Variants in CLCN1 observed in about 807,000 individuals in gnomAD.
The protein encoded by CLCN1 is chloride voltage-gated channel 1.
A neutral mutation model predicts 114.5 loss-of-function variants in CLCN1; 100 were observed. The ratio of observed to expected loss-of-function variants is 0.87; its 90% CI spans 0.74 to 1.03. CLCN1 has a LOEUF of 1.03. Among genes scored for constraint, CLCN1 ranks in the 50% least tolerant of loss-of-function variants. The pLI is 0.00. For missense variants in CLCN1, 1,188 were observed against 1,250.0 expected, an observed-to-expected ratio of 0.95 and a Z score of 0.75; for synonymous variants, 485 against 487.1, an observed-to-expected ratio of 1.00 and a Z score of 0.06.
chr7:143,321,292 G>A lies in CLCN1; in HGVS notation c.434-73G>A, dbSNP rs1802424186. 12 of 1,573,048 alleles carry A rather than the reference G, an allele frequency of 7.6e-6. No individual in the cohort carries two copies. In the South Asian group the frequency reaches 1.4e-4, roughly 18 times the overall value. On this transcript the variant is annotated intron_variant, in intron 3 of 22. Coordinates refer to ENST00000343257, the MANE Select transcript of CLCN1 (RefSeq NM_000083.3). The surrounding 1 kb of genome is among the most constrained non-coding windows in gnomAD (Gnocchi z 4.2). ...AGGAGCACGGCCTGAGAACATGCCG[G>A]GTACACGTCCTGGTGCCGTGGACAC...
At position 143,330,154 on chromosome 7, in the gene CLCN1, T is replaced by TTTA. The variant is rs757062444; in HGVS notation, c.854-603_854-601dup. On this transcript the variant is annotated intron_variant, in intron 7 of 22. Coordinates refer to ENST00000343257, the MANE Select transcript of CLCN1 (RefSeq NM_000083.3). Reference sequence around the variant, plus strand: ...TTTTAAGTCGGGTTTTTAGTATTAGTTTATTATTATTATTATTTGTATGAC... The same window carrying TTTA: ...TTTTAAGTCGGGTTTTTAGTATTAGTTTATTATTATTATTATTATTTGTATGAC... 2.6e-4 allele frequency among the ~76,000 whole-genome samples: 39 copies of TTTA among 152,162 alleles called. 1 individual carries two copies. In the East Asian group the frequency reaches 5.8e-3, roughly 23 times the overall value.
In CLCN1 at chr7:143,332,515, G is replaced by C. The variant is rs1438334339; in HGVS notation, c.1251+12G>C. 6.2e-7 allele frequency: 1 copy of C among 1,606,844 alleles called. No homozygotes were observed. Among genetic ancestry groups the C allele is most frequent in the African/African-American group, 1.3e-5 (1 of 74,750 alleles). On this transcript the variant is annotated intron_variant, in intron 11 of 22. Transcript: ENST00000343257. ...TCATGGCTGGAGAGGTCAGCTGTTG[G>C]TGGGGCCACATGGTAAAGAGGAAAC... is the stretch of plus-strand genomic sequence containing the variant.
chr7:143,339,289 C>T lies in CLCN1; in HGVS notation c.1438C>T (p.Pro480Ser), dbSNP rs80356695. 1 of 1,613,206 alleles carries T rather than the reference C, an allele frequency of 6.2e-7. No individual in the cohort carries two copies. Among genetic ancestry groups the T allele is most frequent in the Non-Finnish European group, 8.5e-7 (1 of 1,179,084 alleles). Residue 480 changes from proline (P) to serine (S), a missense_variant, in exon 13 of 23, where the codon CCC (proline) becomes TCC (serine). Coordinates refer to ENST00000343257, the MANE Select transcript of CLCN1 (RefSeq NM_000083.3). The surrounding 1 kb of genome is among the most constrained non-coding windows in gnomAD (Gnocchi z 4.1). The stretch of plus-strand genomic sequence containing the variant: ...CATCGTGGCCACCACTATGCCCATA[C>T]CCTGCGGAGGCTTCATGCCTGTGTT... ...MSIVATTMPI[P>S]CGGFMPVFVL... is the part of the protein sequence containing the mutation.
At chr7:143,325,323 TG>T (rs1441652441) in intron 7 of CLCN1, among the ~76,000 whole-genome samples, 1 of 152,262 alleles carries the variant, frequency 6.6e-6, no homozygotes, top group African/African-American at 2.4e-5. Context: ...TTTTCAGTTA[TG>T]GAAATGTTAA....
chr7:143,320,118 A>G (rs1446859047), intron 2 of CLCN1, among the ~76,000 whole-genome samples: 1 of 152,160 alleles, frequency 6.6e-6, no homozygotes, highest in Non-Finnish European at 1.5e-5. Context: ...CCTCTCCAGT[A>G]GCTGAGACTA....
At chr7:143,325,853 C>T (rs1324042797) in intron 7 of CLCN1, among the ~76,000 whole-genome samples, 1 of 152,106 alleles carries the variant, frequency 6.6e-6, no homozygotes, top group Non-Finnish European at 1.5e-5. Flanking sequence ...AGTTCTGAAA[C>T]CACTGTGGTA....
intron 5 of CLCN1, 103 bp from the exon 6 acceptor site, chr7:143,323,206 C>A (rs1802486392): frequency 2.6e-6 from 2 of 759,008 alleles, no homozygotes; most frequent in Non-Finnish European, 2.4e-6. Context: ...GTATTTCCAG[C>A]CCCTGGCACA....
chr7:143,316,143 A>T lies in CLCN1; in HGVS notation c.-70A>T. 1.6e-6 allele frequency: 2 copies of T among 1,284,150 alleles called. No individual in the cohort carries two copies. The highest frequency in any genetic ancestry group is 2.3e-6 in the Non-Finnish European group (2 of 886,424). 79.5% of individuals were successfully genotyped at this position (1,284,150 alleles called of 1,614,324 possible). On this transcript the variant is annotated 5_prime_UTR_variant, in exon 1 of 23. Coordinates refer to ENST00000343257, the MANE Select transcript of CLCN1 (RefSeq NM_000083.3). ...TTGGGGACAGCAAGAGCAGAGGCTTAAGGAGCTACACTGGGGGAAGGACAG... is the reference window on the plus strand; with the variant it reads ...TTGGGGACAGCAAGAGCAGAGGCTTTAGGAGCTACACTGGGGGAAGGACAG...
chr7:143,332,588 G>A, intron 11 of CLCN1, 85 bp downstream of exon 11: 1 of 1,518,060 alleles, frequency 6.6e-7, no homozygotes, highest in Non-Finnish European at 9.2e-7. Flanking sequence ...TTTGTCCAAG[G>A]ATAGACTTTC....
At chr7:143,316,416 G>A (rs1395938372) in intron 1 of CLCN1, 24 bp downstream of exon 1, 1 of 1,605,182 alleles carries the variant, frequency 6.2e-7, no homozygotes, top group Non-Finnish European at 8.5e-7. Context: ...AGGGGAGAGG[G>A]GAGCCATGGA....
chr7:143,341,820 T>C (rs1792931257), intron 14 of CLCN1, 109 bp from the exon 15 acceptor site: 2 of 847,336 alleles, frequency 2.4e-6, no homozygotes, highest in African/African-American at 1.7e-5. Flanking sequence ...GTATTGGCAC[T>C]GACCAGGGTC....
chr7:143,330,081 T>C (rs1461029817), intron 7 of CLCN1, among the ~76,000 whole-genome samples: 3 of 152,224 alleles, frequency 2.0e-5, no homozygotes, highest in Non-Finnish European at 4.4e-5. Flanking sequence ...TAAGCATGAT[T>C]GTTTTTCTCT....
intron 7 of CLCN1, among the ~76,000 whole-genome samples, chr7:143,326,301 C>T (rs561668016): frequency 2.2e-4 from 24 of 111,238 alleles, no homozygotes; most frequent in South Asian, 2.1e-3. Flanking sequence ...AAAAGAATAC[C>T]GAATAATTCT....
At chr7:143,341,840 A>C (rs991535024) in intron 14 of CLCN1, 89 bp from the exon 15 acceptor site, 1 of 1,006,956 alleles carries the variant, frequency 9.9e-7, no homozygotes, top group African/African-American at 1.6e-5. Context: ...CATGTCTCTC[A>C]TTCCGTGTTA....
intron 1 of CLCN1, among the ~76,000 whole-genome samples, chr7:143,319,133 G>A (rs148583567): frequency 6.6e-6 from 1 of 152,132 alleles, no homozygotes; most frequent in African/African-American, 2.4e-5. Flanking sequence ...GGCAGGTAGG[G>A]GTCTAATTAT....
chr7:143,319,854 G>A lies in CLCN1; in HGVS notation c.280G>A (p.Asp94Asn). The A allele has an allele frequency of 6.2e-7, 1 of 1,613,898 alleles. No homozygotes were observed. The highest frequency in any genetic ancestry group is 8.5e-7 in the Non-Finnish European group (1 of 1,179,798). The change falls in exon 2 of 23, where the codon GAT (aspartate) becomes AAT (asparagine). Residue 94 changes from aspartate (D) to asparagine (N), a missense_variant. Coordinates refer to ENST00000343257, the MANE Select transcript of CLCN1 (RefSeq NM_000083.3). ...SSSTVDSKDE[D>N]HYSKCQDCIH... is the part of the protein sequence containing the mutation. ...TTCTACCGTGGACAGCAAGGATGAG[G>A]ATCACTATTCTAAATGTCAAGGTGA...
At chr7:143,345,166 C>T (rs1233521433) in intron 16 of CLCN1, among the ~76,000 whole-genome samples, 1 of 152,152 alleles carries the variant, frequency 6.6e-6, no homozygotes, top group Non-Finnish European at 1.5e-5. Context: ...AGCGTGTTCA[C>T]GTCTCAGCTT....
chr7:143,321,450 C>T lies in CLCN1; in HGVS notation c.519C>T (p.Leu173=). 6.2e-7 allele frequency: 1 copy of T among 1,614,196 alleles called. No homozygotes were observed. The part of the protein sequence containing the change: ...VWVTFPLVLI[L]FSALFCHLIS... ...TCACCTTCCCACTAGTCCTCATCCTCTTCAGCGCCCTCTTCTGCCACCTCA... is the reference window on the plus strand; with the variant it reads ...TCACCTTCCCACTAGTCCTCATCCTTTTCAGCGCCCTCTTCTGCCACCTCA... The change falls in exon 4 of 23, where the codon CTC becomes CTT. Residue 173 remains leucine, a synonymous_variant. Coordinates refer to ENST00000343257, the MANE Select transcript of CLCN1 (RefSeq NM_000083.3). The surrounding 1 kb of genome is among the most constrained non-coding windows in gnomAD (Gnocchi z 4.2).
Position 143,332,810 on chromosome 7 carries a change from A to G in CLCN1, c.1338A>G (p.Ser446=). The G allele has an allele frequency of 6.2e-7, 1 of 1,614,190 alleles. No homozygotes were observed. Among genetic ancestry groups the G allele is most frequent in the Non-Finnish European group, 8.5e-7 (1 of 1,180,036 alleles). The change falls in exon 12 of 23, where the codon TCA becomes TCG. Residue 446 remains serine, a synonymous_variant. Coordinates refer to ENST00000343257, the MANE Select transcript of CLCN1 (RefSeq NM_000083.3). ...HAGDPESLGQ[S]AVWIHPRVNV... is the part of the protein sequence containing the mutation. ...GTGATCCTGAGAGCCTGGGCCAGTC[A>G]GCTGTGTGGATTCACCCCCGGGTCA...
Sources: allele counts gnomAD v4.1 joint callset (sites outside exome capture counted in the v4.1 genomes callset), GRCh38; gene constraint gnomAD v4.1.1; non-coding constraint Gnocchi (gnomAD v3.1); transcripts MANE v1.5; gene names NCBI Gene and HGNC (gene_info 2026-07-23, HGNC 2026-07-21).